KPNA1: variants seen among roughly 807,000 people sequenced by gnomAD.
KPNA1 encodes the protein karyopherin subunit alpha 1.
A neutral mutation model predicts 70.5 loss-of-function variants in KPNA1; 10 were observed. That is an observed-to-expected ratio of 0.14 (90% CI 0.09 to 0.24). KPNA1 has a LOEUF of 0.24. Ranked by LOEUF, KPNA1 falls within the 10% of genes least tolerant of loss-of-function variation. KPNA1 has a pLI of 1.00. For synonymous variants in KPNA1, 192 were observed against 221.9 expected (o/e 0.87, Z 1.20); for missense variants, 397 against 637.9 (o/e 0.62, Z 4.07).
Position 122,467,363 on chromosome 3 carries a change from C to A in KPNA1, c.196G>T (p.Gly66Cys). 1 of 1,609,282 alleles carries A rather than the reference C, an allele frequency of 6.2e-7. No homozygotes were observed. The highest frequency in any genetic ancestry group is 8.5e-7 in the Non-Finnish European group (1 of 1,176,476). ...ETEEEVMSDG[G>C]FHEAQISNME... Reference sequence around the variant, plus strand: ...TTACTAATCTGAGCCTCATGAAAGCCTCCATCTGACATAACTTCTTCTTCT... The same window carrying A: ...TTACTAATCTGAGCCTCATGAAAGCATCCATCTGACATAACTTCTTCTTCT... The change falls in exon 3 of 14, where the codon GGC becomes TGC. Residue 66 changes from glycine to cysteine, a missense_variant. By Grantham distance (159) the Gly-to-Cys change is radical. Coordinates refer to ENST00000344337, the MANE Select transcript of KPNA1 (RefSeq NM_002264.4).
intron 1 of KPNA1, among the ~76,000 whole-genome samples, chr3:122,509,149 G>A (rs981510077): frequency 6.6e-6 from 1 of 151,670 alleles, no homozygotes; most frequent in Non-Finnish European, 1.5e-5. Context: ...GTGAGGCTGA[G>A]TCAGAACAAT....
intron 9 of KPNA1, among the ~76,000 whole-genome samples, chr3:122,443,334 G>A (rs544645599): frequency 1.1e-4 from 17 of 152,344 alleles, no homozygotes; most frequent in South Asian, 1.0e-3. Context: ...CCGCACCTCA[G>A]CAAGGCCTAC....
At position 122,496,373 on chromosome 3, in the gene KPNA1, A is replaced by C; in HGVS notation, c.129+64T>G. 7 of 1,442,134 alleles carry C rather than the reference A, an allele frequency of 4.9e-6. No individual in the cohort carries two copies. In the Admixed American group the frequency reaches 1.1e-4, roughly 22 times the overall value. 89.3% of individuals were successfully genotyped at this position (1,442,134 alleles called of 1,614,324 possible). ...ACCCCAACTTTGCTAAAATGAAGAT[A>C]GTTTCAGGCTTAAAATGGAACATTA... On this transcript the variant is annotated intron_variant, in intron 2 of 13. Coordinates refer to ENST00000344337, the MANE Select transcript of KPNA1 (RefSeq NM_002264.4).
intron 1 of KPNA1, among the ~76,000 whole-genome samples, chr3:122,506,156 C>G (rs1473123256): frequency 6.6e-6 from 1 of 152,034 alleles, no homozygotes; most frequent in Non-Finnish European, 1.5e-5. Context: ...TGGGTCAGCC[C>G]ACCTAATCAG....
intron 2 of KPNA1, among the ~76,000 whole-genome samples, chr3:122,477,901 T>C (rs1032539455): frequency 2.7e-5 from 4 of 150,488 alleles, no homozygotes; most frequent in Non-Finnish European, 1.5e-5. Flanking sequence ...CAATGGCTCA[T>C]GCCTGAAATC....
At chr3:122,427,474 A>T in intron 13 of KPNA1, 64 bp downstream of exon 13, 1 of 1,478,828 alleles carries the variant, frequency 6.8e-7, no homozygotes, top group Non-Finnish European at 9.2e-7. Context: ...TATTGTTTTT[A>T]CTGAACTCTA....
intron 9 of KPNA1, among the ~76,000 whole-genome samples, chr3:122,446,665 T>A (rs1225055819): frequency 6.6e-6 from 1 of 151,858 alleles, no homozygotes; most frequent in African/African-American, 2.4e-5. Flanking sequence ...AAGAAATAAC[T>A]AAGATCAGAG....
chr3:122,459,499 C>T (rs894123980), intron 5 of KPNA1: 3 of 985,274 alleles, frequency 3.0e-6, no homozygotes, highest in Non-Finnish European at 3.6e-6. Flanking sequence ...CATTTGGTCC[C>T]TCTGGTTCTC....
chr3:122,467,590 T>A (rs2076395640), intron 2 of KPNA1, among the ~76,000 whole-genome samples, 161 bp from the exon 3 acceptor site: 1 of 152,206 alleles, frequency 6.6e-6, no homozygotes, highest in South Asian at 2.1e-4. Flanking sequence ...TTCAGATTTC[T>A]CCATAGTCTT....
Position 122,433,764 on chromosome 3 carries a change from G to A in KPNA1, c.1147C>T (p.Pro383Ser). 1 of 1,609,128 alleles carries A rather than the reference G, an allele frequency of 6.2e-7. No homozygotes were observed. Among genetic ancestry groups the A allele is most frequent in the Non-Finnish European group, 8.5e-7 (1 of 1,178,118 alleles). The change falls in exon 12 of 14, where the codon CCA becomes TCA. Residue 383 changes from proline (P) to serine (S), a missense_variant. Pro to Ser is a moderately conservative substitution (Grantham distance 74). Transcript: ENST00000344337. ...IQTVIDANIFPALISILQTAE... is the reference protein window; with the variant it reads ...IQTVIDANIFSALISILQTAE... ...GTTTGTAAAATACTAATGAGGGCTGGGAAAATGTTGGCATCTATCACAGTC... is the reference window on the plus strand; with the variant it reads ...GTTTGTAAAATACTAATGAGGGCTGAGAAAATGTTGGCATCTATCACAGTC...
At chr3:122,488,530 G>T (rs1231175027) in intron 2 of KPNA1, among the ~76,000 whole-genome samples, 1 of 151,776 alleles carries the variant, frequency 6.6e-6, no homozygotes, top group Non-Finnish European at 1.5e-5. Context: ...CTCCAGAAAA[G>T]AAAAAAAGAA....
At chr3:122,444,193 C>T (rs374863298) in intron 9 of KPNA1, among the ~76,000 whole-genome samples, 168 of 152,306 alleles carry the variant, frequency 1.1e-3, no homozygotes, top group African/African-American at 3.9e-3. Context: ...TGCCCAGCCC[C>T]GCAGGCAGTC....
At chr3:122,490,848 C>T (rs377013066) in intron 2 of KPNA1, among the ~76,000 whole-genome samples, 26 of 151,932 alleles carry the variant, frequency 1.7e-4, no homozygotes, top group African/African-American at 6.3e-4. Context: ...CTTTAATTTT[C>T]TTATTTACTT....
chr3:122,441,978 G>A, intron 10 of KPNA1, 60 bp downstream of exon 10: 1 of 1,085,072 alleles, frequency 9.2e-7, no homozygotes, highest in Non-Finnish European at 1.4e-6. Flanking sequence ...ATAGAAACAT[G>A]ATCATGAAGT....
intron 1 of KPNA1, among the ~76,000 whole-genome samples, chr3:122,511,542 T>A (rs1173424962): frequency 1.3e-5 from 2 of 152,222 alleles, no homozygotes; most frequent in Non-Finnish European, 2.9e-5. Flanking sequence ...CCCACAGTCT[T>A]CATCCCTACT....
intron 1 of KPNA1, among the ~76,000 whole-genome samples, chr3:122,501,602 G>A (rs2076830028): frequency 6.6e-6 from 1 of 152,090 alleles, no homozygotes; most frequent in Non-Finnish European, 1.5e-5. Context: ...TATCTAGCTT[G>A]TTTTGTAGCC....
intron 2 of KPNA1, among the ~76,000 whole-genome samples, chr3:122,488,452 G>A (rs1391207131): frequency 1.3e-5 from 2 of 152,194 alleles, no homozygotes; most frequent in African/African-American, 4.8e-5. Context: ...CTGGGAGGTT[G>A]AGGCTATAGT....
intron 10 of KPNA1, among the ~76,000 whole-genome samples, chr3:122,441,354 T>C (rs2076059641): frequency 6.6e-6 from 1 of 151,420 alleles, no homozygotes; most frequent in South Asian, 2.1e-4. Context: ...AGAATCTTCC[T>C]CACACAGGGG....
At position 122,426,712 on chromosome 3, in the gene KPNA1, TA is replaced by T. The variant is rs2075827854; in HGVS notation, c.*272del. 2 of 341,278 alleles carry T rather than the reference TA, an allele frequency of 5.9e-6. No individual in the cohort carries two copies. Among genetic ancestry groups the T allele is most frequent in the Non-Finnish European group, 1.1e-5 (2 of 188,052 alleles). 21.1% of individuals were successfully genotyped at this position (341,278 alleles called of 1,614,324 possible). A position where few individuals can be genotyped will look rare whatever the true frequency, so the allele number is the denominator to read the frequency against. On this transcript the variant is annotated 3_prime_UTR_variant, in exon 14 of 14. Coordinates refer to ENST00000344337, the MANE Select transcript of KPNA1 (RefSeq NM_002264.4). ...TAATATGTGTATATTCCCATAACTC[TA>T]ATGTAAGTGCGGATCTCCAAAGCCT...
Sources: allele counts gnomAD v4.1 joint callset (sites outside exome capture counted in the v4.1 genomes callset), GRCh38; gene constraint gnomAD v4.1.1; transcripts MANE v1.5; gene names NCBI Gene and HGNC (gene_info 2026-07-23, HGNC 2026-07-21).